PRMT3: variants seen among roughly 807,000 people sequenced by gnomAD.
PRMT3 encodes the protein protein arginine methyltransferase 3.
In PRMT3, 62 loss-of-function variants were observed where a neutral mutation model predicts 71.9. The ratio of observed to expected loss-of-function variants is 0.86; its 90% confidence interval spans 0.70 to 1.07. The LOEUF is 1.07. Ranked by LOEUF, PRMT3 falls within the 50% of genes least tolerant of loss-of-function variation. PRMT3 has a pLI of 0.00. For missense variants in PRMT3, 663 were observed against 643.0 expected (o/e 1.03, Z -0.34); for synonymous variants, 213 against 220.4 (o/e 0.97, Z 0.30).
At chr11:20,451,052 T>C (rs1025299052) in intron 10 of PRMT3, among the ~76,000 whole-genome samples, 3 of 152,196 alleles carry the variant, frequency 2.0e-5, no homozygotes, top group African/African-American at 4.8e-5. Flanking sequence ...AAAGACTGAC[T>C]GAAACTGATA....
intron 13 of PRMT3, among the ~76,000 whole-genome samples, chr11:20,488,390 G>A (rs950178728): frequency 2.0e-5 from 3 of 152,050 alleles, no homozygotes; most frequent in African/African-American, 7.2e-5. Flanking sequence ...TTCTTTGCTT[G>A]CTTCAGACTC....
At chr11:20,423,965 A>G (rs2133348051) in intron 9 of PRMT3, among the ~76,000 whole-genome samples, 1 of 150,744 alleles carries the variant, frequency 6.6e-6, no homozygotes, top group African/African-American at 2.4e-5. Context: ...CAGGTGGATC[A>G]CGAGGTTAGG....
At chr11:20,473,260 G>A (rs887760256) in intron 13 of PRMT3, among the ~76,000 whole-genome samples, 4 of 151,666 alleles carry the variant, frequency 2.6e-5, no homozygotes, top group Non-Finnish European at 4.4e-5. Context: ...GTTATTTCTT[G>A]TCTTCTGCTA....
intron 10 of PRMT3, 141 bp downstream of exon 10, chr11:20,427,006 A>T (rs780645956): frequency 5.8e-5 from 72 of 1,236,202 alleles, no homozygotes; most frequent in Non-Finnish European, 7.5e-5. Context: ...AGATACTATA[A>T]TGTGTAATTT....
At chr11:20,473,378 T>G (rs753025226) in intron 13 of PRMT3, among the ~76,000 whole-genome samples, 6 of 152,174 alleles carry the variant, frequency 3.9e-5, no homozygotes, top group Non-Finnish European at 5.9e-5. Flanking sequence ...GTGCTATATA[T>G]TTCCCTCTTA....
At chr11:20,500,532 G>T (rs1851433506) in intron 15 of PRMT3, among the ~76,000 whole-genome samples, 1 of 152,158 alleles carries the variant, frequency 6.6e-6, no homozygotes, top group African/African-American at 2.4e-5. Flanking sequence ...TATAGTAGTG[G>T]TGTTTATTGT....
intron 9 of PRMT3, among the ~76,000 whole-genome samples, chr11:20,423,455 A>G (rs1248434856): frequency 6.6e-6 from 1 of 152,188 alleles, no homozygotes; most frequent in African/African-American, 2.4e-5. Flanking sequence ...CTTTTTGTTT[A>G]CATATTGTCT....
At chr11:20,420,582 G>T (rs766565211) in intron 9 of PRMT3, among the ~76,000 whole-genome samples, 2 of 152,146 alleles carry the variant, frequency 1.3e-5, no homozygotes, top group African/African-American at 4.8e-5. Context: ...GAGGGATCTA[G>T]GTCGTGCATT....
intron 11 of PRMT3, among the ~76,000 whole-genome samples, chr11:20,452,449 TAATA>T (rs1182511745): frequency 1.3e-5 from 2 of 152,238 alleles, no homozygotes; most frequent in African/African-American, 4.8e-5. Context: ...AAGGTCCTTT[TAATA>T]AATATCTAAA....
chr11:20,391,944 CAAAG>C (rs1848724310), intron 3 of PRMT3, among the ~76,000 whole-genome samples: 1 of 152,110 alleles, frequency 6.6e-6, no homozygotes, highest in Admixed American at 6.5e-5. Flanking sequence ...ATTGTTCTGA[CAAAG>C]GAGGAGTAGA....
At chr11:20,446,614 G>C (rs1349296276) in intron 10 of PRMT3, among the ~76,000 whole-genome samples, 1 of 151,948 alleles carries the variant, frequency 6.6e-6, no homozygotes, top group African/African-American at 2.4e-5. Flanking sequence ...ACAGTTGTGG[G>C]AATACAAATT....
chr11:20,388,014 G>A lies in PRMT3; in HGVS notation c.29-5G>A. The A allele has an allele frequency of 6.2e-7, 1 of 1,613,838 alleles. No homozygotes were observed. The highest frequency in any genetic ancestry group is 8.5e-7 in the Non-Finnish European group (1 of 1,179,962). On this transcript the variant is annotated splice_polypyrimidine_tract_variant and splice_region_variant and intron_variant, in intron 1 of 15. Coordinates refer to ENST00000331079, the MANE Select transcript of PRMT3 (RefSeq NM_005788.4). ...GCCGATCTGATTGTTGTGTGTGTGT[G>A]TTAGGCGGCCGGGGCGCTGTGGAGA... is the stretch of plus-strand genomic sequence containing the variant.
In PRMT3 at chr11:20,468,377, T is replaced by A. The variant is rs190751340; in HGVS notation, c.1347+3831T>A. 3.9e-3 allele frequency among the ~76,000 whole-genome samples: 590 copies of A among 151,888 alleles called. 4 individuals carry two copies. Among genetic ancestry groups the A allele is most frequent in the African/African-American group, 0.013 (552 of 41,548 alleles). ...GGTTTTTGTTTTGTTTGTTTGTTTG[T>A]TTGTTTTGAGACAGGGTCTCACTCT... On this transcript the variant is annotated intron_variant, in intron 13 of 15. Transcript: ENST00000331079.
chr11:20,387,752 C>G lies in PRMT3; in HGVS notation c.6C>G (p.Cys2Trp). Residue 2 changes from cysteine (C) to tryptophan (W), a missense_variant, in exon 1 of 16, where the codon TGC becomes TGG. Cys to Trp is a radical substitution (Grantham distance 215). Coordinates refer to ENST00000331079, the MANE Select transcript of PRMT3 (RefSeq NM_005788.4). This position sits in a 1 kb window ranked among gnomAD's most constrained non-coding sequence, Gnocchi z 4.3. Reference sequence around the variant, plus strand: ...GCTCTCGGGGCACCACAGCCATGTGCTCGTTAGCGTCAGGCGCTACCGGTG... The same window carrying G: ...GCTCTCGGGGCACCACAGCCATGTGGTCGTTAGCGTCAGGCGCTACCGGTG... M[C>W]SLASGATGGR... 1 of 1,541,392 alleles carries G rather than the reference C, an allele frequency of 6.5e-7. No homozygotes were observed. The highest frequency in any genetic ancestry group is 8.7e-7 in the Non-Finnish European group (1 of 1,146,112).
chr11:20,470,113 G>A (rs1445354047), intron 13 of PRMT3, among the ~76,000 whole-genome samples: 2 of 152,070 alleles, frequency 1.3e-5, no homozygotes, highest in African/African-American at 4.8e-5. Flanking sequence ...ATATACTATA[G>A]CCTGTTGCTC....
At chr11:20,473,016 T>G (rs1284137462) in intron 13 of PRMT3, among the ~76,000 whole-genome samples, 1 of 152,166 alleles carries the variant, frequency 6.6e-6, no homozygotes, top group Admixed American at 6.5e-5. Context: ...TCTTCTAGGT[T>G]TTCTAGTTTA....
At chr11:20,416,965 GTGGAGAC>G (rs1849318956) in intron 9 of PRMT3, among the ~76,000 whole-genome samples, 1 of 152,144 alleles carries the variant, frequency 6.6e-6, no homozygotes, top group South Asian at 2.1e-4. Context: ...AGGGGAAAGG[GTGGAGAC>G]TGGTCAGTTT....
chr11:20,430,364 G>A (rs1329046977), intron 10 of PRMT3, among the ~76,000 whole-genome samples: 1 of 151,948 alleles, frequency 6.6e-6, no homozygotes, highest in East Asian at 1.9e-4. Context: ...CTTCTACTGT[G>A]GTCCACTAAC....
intron 6 of PRMT3, 94 bp downstream of exon 6, chr11:20,396,056 T>C (rs1274825683): frequency 5.2e-6 from 6 of 1,145,412 alleles, no homozygotes; most frequent in Admixed American, 4.9e-5. Flanking sequence ...TTTCATATAC[T>C]GGAAAGTACA....
Sources: allele counts gnomAD v4.1 joint callset (sites outside exome capture counted in the v4.1 genomes callset), GRCh38; gene constraint gnomAD v4.1.1; non-coding constraint Gnocchi (gnomAD v3.1); transcripts MANE v1.5; gene names NCBI Gene and HGNC (gene_info 2026-07-23, HGNC 2026-07-21).